RAP1GAP2: variants seen among roughly 807,000 people sequenced by gnomAD.
The protein encoded by RAP1GAP2 is RAP1 GTPase activating protein 2.
Under a neutral mutation model 95.0 loss-of-function variants are expected in RAP1GAP2, and 27 were observed. The ratio of observed to expected loss-of-function variants is 0.28; its 90% CI spans 0.21 to 0.39. The LOEUF (loss-of-function observed/expected upper bound fraction) is 0.39, where lower values mean the gene tolerates loss of function less well. Ranked by LOEUF, RAP1GAP2 falls within the 10% of genes least tolerant of loss-of-function variation. RAP1GAP2 has a pLI of 1.00. For synonymous variants in RAP1GAP2, 373 were observed against 380.9 expected, an observed-to-expected ratio of 0.98 and a Z score of 0.24; for missense variants, 771 against 970.0, an observed-to-expected ratio of 0.79 and a Z score of 2.72.
At chr17:2,905,461 C>T (rs973954170) in intron 3 of RAP1GAP2, 93 bp downstream of exon 3, 41 of 1,268,508 alleles carry the variant, frequency 3.2e-5, no homozygotes, top group African/African-American at 1.6e-4. Context: ...CAGCAGCGTC[C>T]GTCGCAGTGG....
intron 12 of RAP1GAP2, among the ~76,000 whole-genome samples, chr17:2,991,783 G>GTTATTTATTT (rs2045761653): frequency 6.6e-6 from 1 of 151,962 alleles, no homozygotes; most frequent in Non-Finnish European, 1.5e-5. Flanking sequence ...TTTATTTTTG[G>GTTATTTATTT]AGACAGAGTC....
chr17:3,030,171 A>G (rs2151671849), intron 22 of RAP1GAP2, among the ~76,000 whole-genome samples: 1 of 107,256 alleles, frequency 9.3e-6, no homozygotes, highest in South Asian at 2.3e-4. Context: ...TGTATAATAT[A>G]TATTATACAC....
chr17:2,759,595 C>T (rs777244500), intron 1 of RAP1GAP2, among the ~76,000 whole-genome samples: 6 of 152,108 alleles, frequency 3.9e-5, no homozygotes, highest in African/African-American at 1.4e-4. Flanking sequence ...GGATTACAGG[C>T]GCCTGCCACC....
Position 3,003,499 on chromosome 17 carries a change from C to T in RAP1GAP2, c.1201-1870C>T, listed in dbSNP as rs1347537118. On this transcript the variant is annotated intron_variant, in intron 14 of 24. Coordinates refer to ENST00000254695, the MANE Select transcript of RAP1GAP2 (RefSeq NM_015085.5). The surrounding 1 kb of genome is among the most constrained non-coding windows in gnomAD (Gnocchi z 4.1). ...GTTTCCCGTCACGACTTGTCTGTTG[C>T]TCGGACGATGCTCTGTGTGCCACCG... Among the ~76,000 whole-genome samples, 1 of 152,086 alleles carries T rather than the reference C, an allele frequency of 6.6e-6. No individual in the cohort carries two copies. Among genetic ancestry groups the T allele is most frequent in the Non-Finnish European group, 1.5e-5 (1 of 68,016 alleles).
At chr17:3,021,627 G>T (rs4316793) in intron 19 of RAP1GAP2, among the ~76,000 whole-genome samples, 129,735 of 151,916 alleles carry the variant, frequency 0.85, 55,459 homozygotes, top group Non-Finnish European at 0.87. Flanking sequence ...TAGAGACGGG[G>T]TTTTGCCATG....
In RAP1GAP2 at chr17:2,803,877, T is replaced by TCAAAACAAAA. The variant is rs371048822; in HGVS notation, c.80+3333_80+3342dup. Among the ~76,000 whole-genome samples the TCAAAACAAAA allele has an allele frequency of 3.1e-3, 476 of 152,158 alleles. 2 individuals carry two copies. The highest frequency in any genetic ancestry group is 0.011 in the African/African-American group (455 of 41,496). ...CTGGGTGACAGAGTGAGACTATGTC[T>TCAAAACAAAA]CAAAACAAAACAAAAACAGAACAAA... On this transcript the variant is annotated intron_variant, in intron 2 of 24. Transcript: ENST00000254695.
intron 2 of RAP1GAP2, among the ~76,000 whole-genome samples, chr17:2,832,837 GTGGT>G (rs2070948726): frequency 6.6e-6 from 1 of 151,766 alleles, no homozygotes; most frequent in Non-Finnish European, 1.5e-5. Flanking sequence ...GTAGCTGGGC[GTGGT>G]GGCACTTGCG....
chr17:2,850,344 CAGGCAACAGTATTG>C (rs1567708125), intron 2 of RAP1GAP2, among the ~76,000 whole-genome samples: 1 of 151,974 alleles, frequency 6.6e-6, no homozygotes, highest in Non-Finnish European at 1.5e-5. Context: ...GAGCCTTTGT[CAGGCAACAGTATTG>C]AGGCAGAACT....
intron 2 of RAP1GAP2, among the ~76,000 whole-genome samples, chr17:2,801,441 C>A (rs1350007272): frequency 6.6e-6 from 1 of 150,462 alleles, no homozygotes; most frequent in African/African-American, 2.4e-5. Context: ...CACCATTGCA[C>A]TCCAGCCTGG....
intron 2 of RAP1GAP2, among the ~76,000 whole-genome samples, chr17:2,814,468 G>A (rs549783367): frequency 6.6e-6 from 1 of 152,142 alleles, no homozygotes; most frequent in East Asian, 1.9e-4. Context: ...CTTCCTCCAC[G>A]CACAGCCCCT....
chr17:2,990,373 G>A (rs2045710522), intron 11 of RAP1GAP2, among the ~76,000 whole-genome samples: 1 of 152,200 alleles, frequency 6.6e-6, no homozygotes, highest in Non-Finnish European at 1.5e-5. Context: ...CGGGAGCAAA[G>A]TTGCCAGATC....
At chr17:2,818,484 C>T (rs139540042) in intron 2 of RAP1GAP2, among the ~76,000 whole-genome samples, 3,054 of 151,920 alleles carry the variant, frequency 0.02, 53 homozygotes, top group Non-Finnish European at 0.034. Flanking sequence ...CCACCACGCC[C>T]GGCTAATTTT....
rs76630639 is a variant in RAP1GAP2, at chr17:2,902,645, C to T, written c.81-2639C>T. Among the ~76,000 whole-genome samples the T allele has an allele frequency of 4.5e-3, 692 of 152,284 alleles. 6 individuals carry two copies. Among genetic ancestry groups the T allele is most frequent in the African/African-American group, 0.016 (656 of 41,554 alleles). On this transcript the variant is annotated intron_variant, in intron 2 of 24. Transcript: ENST00000254695. The surrounding 1 kb of genome is among the most constrained non-coding windows in gnomAD (Gnocchi z 4.1). ...CCACTGGTGCTCATGTCTGCTCTAGCGCCTTCCAAGCTCCCAGGCATCATT... is the reference window on the plus strand; with the variant it reads ...CCACTGGTGCTCATGTCTGCTCTAGTGCCTTCCAAGCTCCCAGGCATCATT...
chr17:2,812,026 G>C (rs923488733), intron 2 of RAP1GAP2, among the ~76,000 whole-genome samples: 8 of 152,136 alleles, frequency 5.3e-5, no homozygotes, highest in Admixed American at 3.3e-4. Context: ...GAAATCTGGA[G>C]TTTTAGACAA....
At position 3,032,468 on chromosome 17, in the gene RAP1GAP2, C is replaced by G. The variant is rs780875103; in HGVS notation, c.*30+19C>G. The G allele has an allele frequency of 1.2e-6, 2 of 1,609,406 alleles. No homozygotes were observed. Among genetic ancestry groups the G allele is most frequent in the African/African-American group, 2.7e-5 (2 of 74,824 alleles). Reference sequence around the variant, plus strand: ...GTCCAAGGTGGGTTGAGTGAATGTCCTGCTGTGGCCGTGAGGGGGGACGTG... The same window carrying G: ...GTCCAAGGTGGGTTGAGTGAATGTCGTGCTGTGGCCGTGAGGGGGGACGTG... On this transcript the variant is annotated intron_variant, in intron 24 of 24. Coordinates refer to ENST00000254695, the MANE Select transcript of RAP1GAP2 (RefSeq NM_015085.5).
At chr17:2,837,460 G>A (rs2071184208) in intron 2 of RAP1GAP2, among the ~76,000 whole-genome samples, 1 of 151,894 alleles carries the variant, frequency 6.6e-6, no homozygotes, top group Admixed American at 6.6e-5. Context: ...CAGGCAGAAA[G>A]GCATATTCCG....
chr17:3,028,322 T>C (rs1345818450), intron 22 of RAP1GAP2, among the ~76,000 whole-genome samples: 1 of 152,118 alleles, frequency 6.6e-6, no homozygotes, highest in Non-Finnish European at 1.5e-5. Context: ...TGTCTGGCAA[T>C]GTCTGGCGAC....
At chr17:2,942,714 C>T (rs1046516410) in intron 3 of RAP1GAP2, among the ~76,000 whole-genome samples, 1 of 152,066 alleles carries the variant, frequency 6.6e-6, no homozygotes, top group Non-Finnish European at 1.5e-5. Context: ...AACTCAGTGG[C>T]GTTTAGTACT....
intron 1 of RAP1GAP2, among the ~76,000 whole-genome samples, chr17:2,762,825 C>T (rs547837359): frequency 5.9e-5 from 9 of 152,064 alleles, no homozygotes; most frequent in Middle Eastern, 6.8e-3. Context: ...TATAGGTGCA[C>T]GCCACCATAC....
Sources: allele counts gnomAD v4.1 joint callset (sites outside exome capture counted in the v4.1 genomes callset), GRCh38; gene constraint gnomAD v4.1.1; non-coding constraint Gnocchi (gnomAD v3.1); transcripts MANE v1.5; gene names NCBI Gene and HGNC (gene_info 2026-07-23, HGNC 2026-07-21).